The following JARID2 variants were observed in gnomAD, a reference collection of about 807,000 sequenced individuals.
JARID2 encodes protein Jumonji.
In JARID2, 21 loss-of-function variants were observed where a neutral mutation model predicts 125.6. The ratio of observed to expected loss-of-function variants is 0.17; its 90% CI spans 0.12 to 0.24. The LOEUF (loss-of-function observed/expected upper bound fraction) is 0.24. Ranked by LOEUF, JARID2 falls within the 10% of genes least tolerant of loss-of-function variation. The pLI is 1.00. For missense variants in JARID2, 1,303 were observed against 1,639.6 expected (o/e 0.79, Z 3.55); for synonymous variants, 736 against 661.6 (o/e 1.11, Z -1.73).
At chr6:15,277,139 T>C (rs1760555560) in intron 1 of JARID2, among the ~76,000 whole-genome samples, 1 of 152,184 alleles carries the variant, frequency 6.6e-6, no homozygotes, top group Non-Finnish European at 1.5e-5. Flanking sequence ...TCTCACACAC[T>C]TTTGCAAAGC....
At chr6:15,485,449 A>G (rs1185866622) in intron 5 of JARID2, among the ~76,000 whole-genome samples, 3 of 152,228 alleles carry the variant, frequency 2.0e-5, no homozygotes, top group African/African-American at 7.2e-5. Flanking sequence ...GTTTGAAGGG[A>G]GAGAGAAAAT....
chr6:15,464,103 C>T (rs192883439), intron 4 of JARID2, among the ~76,000 whole-genome samples: 2 of 152,230 alleles, frequency 1.3e-5, no homozygotes, highest in East Asian at 1.9e-4. Context: ...CCTTTTCTAT[C>T]GCTGTGACCA....
intron 3 of JARID2, among the ~76,000 whole-genome samples, chr6:15,443,162 C>A (rs1304347729): frequency 1.3e-5 from 2 of 151,662 alleles, no homozygotes; most frequent in African/African-American, 4.8e-5. Flanking sequence ...GAAGTGTCTG[C>A]GAGCAAGAAT....
chr6:15,259,030 C>T (rs192376149), intron 1 of JARID2, among the ~76,000 whole-genome samples: 1 of 152,300 alleles, frequency 6.6e-6, no homozygotes, highest in East Asian at 1.9e-4. Flanking sequence ...TGGAAAAATG[C>T]AGTGTGAGTC....
At chr6:15,366,903 A>G (rs541730876) in intron 1 of JARID2, among the ~76,000 whole-genome samples, 7 of 152,064 alleles carry the variant, frequency 4.6e-5, no homozygotes, top group African/African-American at 1.2e-4. Context: ...TGCTATGTCT[A>G]TGTTATATTT....
chr6:15,401,928 ATGGACTACTTAATC>A (rs1765455610), intron 2 of JARID2, among the ~76,000 whole-genome samples: 1 of 140,028 alleles, frequency 7.1e-6, no homozygotes, highest in African/African-American at 2.7e-5. Flanking sequence ...TTTACTTTGA[ATGGACTACTTAATC>A]CTCTCTGAAT....
chr6:15,283,673 T>C (rs980704429), intron 1 of JARID2, among the ~76,000 whole-genome samples: 1 of 151,310 alleles, frequency 6.6e-6, no homozygotes, highest in African/African-American at 2.4e-5. Flanking sequence ...GTTGCAAATA[T>C]TTTCTTCTAG....
intron 6 of JARID2, among the ~76,000 whole-genome samples, chr6:15,488,754 G>T (rs182693023): frequency 6.6e-6 from 1 of 152,130 alleles, no homozygotes; most frequent in Non-Finnish European, 1.5e-5. Flanking sequence ...ATGCAGTTGG[G>T]GGGGTGGGCA....
At chr6:15,306,462 G>A (rs1441007450) in intron 1 of JARID2, among the ~76,000 whole-genome samples, 4 of 150,858 alleles carry the variant, frequency 2.7e-5, no homozygotes, top group East Asian at 2.0e-4. Flanking sequence ...AGCCTCCCGA[G>A]TAGCTGGGAT....
intron 1 of JARID2, among the ~76,000 whole-genome samples, chr6:15,338,914 TA>T (rs1762972404): frequency 6.6e-6 from 1 of 152,188 alleles, no homozygotes; most frequent in South Asian, 2.1e-4. Context: ...AGAATTTCAC[TA>T]AAATATTTGA....
intron 2 of JARID2, among the ~76,000 whole-genome samples, chr6:15,376,064 C>T (rs1033565527): frequency 6.6e-6 from 1 of 152,184 alleles, no homozygotes; most frequent in Non-Finnish European, 1.5e-5. Flanking sequence ...TTAGCTCTGG[C>T]AGAGTCAAGG....
intron 3 of JARID2, among the ~76,000 whole-genome samples, chr6:15,422,487 G>A (rs1033667739): frequency 2.6e-5 from 4 of 152,204 alleles, no homozygotes; most frequent in African/African-American, 9.7e-5. Context: ...TTCTGAGTGT[G>A]CCAGCAATTC....
chr6:15,468,176 T>TC (rs1768835602), intron 4 of JARID2, among the ~76,000 whole-genome samples: 1 of 151,438 alleles, frequency 6.6e-6, no homozygotes, highest in African/African-American at 2.4e-5. Context: ...TGTCTTTTTT[T>TC]TTTTTTTTTT....
At chr6:15,425,218 G>A (rs1766673527) in intron 3 of JARID2, among the ~76,000 whole-genome samples, 1 of 152,108 alleles carries the variant, frequency 6.6e-6, no homozygotes, top group African/African-American at 2.4e-5. Flanking sequence ...AGAATTCTGG[G>A]GTGTGGCAAA....
At chr6:15,510,998 GT>G (rs1771251306) in intron 12 of JARID2, among the ~76,000 whole-genome samples, 1 of 152,242 alleles carries the variant, frequency 6.6e-6, no homozygotes, top group Admixed American at 6.5e-5. Context: ...GTGAACATCT[GT>G]TTGTGGTTTG....
rs551096713 is a variant in JARID2 at position 15,338,585 on chromosome 6, G to A, written c.46-35532G>A. Reference sequence around the variant, plus strand: ...AATATAGGATTGATCCAGCCCTCCTGTTTGCTGTCTCAGGGAAGGCTGCAA... The same window carrying A: ...AATATAGGATTGATCCAGCCCTCCTATTTGCTGTCTCAGGGAAGGCTGCAA... On this transcript the variant is annotated intron_variant, in intron 1 of 17. Coordinates refer to ENST00000341776, the MANE Select transcript of JARID2 (RefSeq NM_004973.4). Among the ~76,000 whole-genome samples the A allele has an allele frequency of 5.3e-5, 8 of 152,336 alleles. No homozygotes were observed. The East Asian group carries it at 5.8e-4, about 11-fold the overall frequency.
intron 2 of JARID2, among the ~76,000 whole-genome samples, chr6:15,396,897 C>T (rs1765239827): frequency 6.6e-6 from 1 of 152,190 alleles, no homozygotes; most frequent in Non-Finnish European, 1.5e-5. Flanking sequence ...CATACCATCA[C>T]CCAGTCCGGG....
intron 1 of JARID2, chr6:15,247,863 G>A (rs966712760): frequency 2.0e-6 from 2 of 985,278 alleles, no homozygotes; most frequent in African/African-American, 3.5e-5. Flanking sequence ...CATTGCAGAG[G>A]GCTGGGTAGA....
intron 1 of JARID2, among the ~76,000 whole-genome samples, chr6:15,345,371 A>G (rs558227608): frequency 6.2e-4 from 94 of 152,316 alleles, no homozygotes; most frequent in Non-Finnish European, 1.0e-3. Context: ...TCTGCTGTCA[A>G]TTACGAGTTG....
Sources: allele counts gnomAD v4.1 joint callset (sites outside exome capture counted in the v4.1 genomes callset), GRCh38; gene constraint gnomAD v4.1.1; transcripts MANE v1.5; gene names NCBI Gene and HGNC (gene_info 2026-07-23, HGNC 2026-07-21).